NT5DC1: variants seen among roughly 807,000 people sequenced by gnomAD.
The protein encoded by NT5DC1 is 5'-nucleotidase domain containing 1.
In NT5DC1, 42 loss-of-function variants were observed where a neutral mutation model predicts 59.4. That is an observed-to-expected ratio of 0.71 (90% CI 0.55 to 0.92). NT5DC1 has a LOEUF of 0.92. Among genes scored for constraint, NT5DC1 ranks in the 40% least tolerant of loss-of-function variants. The probability of loss-of-function intolerance (pLI) is 0.00; values close to 1 mark genes in which losing one functional copy is unlikely to be tolerated. For missense variants in NT5DC1, 501 were observed against 537.1 expected, an observed-to-expected ratio of 0.93 and a Z score of 0.66; for synonymous variants, 172 against 188.1, an observed-to-expected ratio of 0.91 and a Z score of 0.70.
intron 6 of NT5DC1, among the ~76,000 whole-genome samples, chr6:116,165,627 C>A (rs991070884): frequency 3.9e-5 from 6 of 152,176 alleles, no homozygotes; most frequent in African/African-American, 1.4e-4. Context: ...GGAGATGACC[C>A]CCCTCTACAT....
chr6:116,214,568 A>G (rs942150353), intron 6 of NT5DC1, among the ~76,000 whole-genome samples: 1 of 152,086 alleles, frequency 6.6e-6, no homozygotes, highest in Admixed American at 6.6e-5. Flanking sequence ...AAATTGTTAG[A>G]AATGCACATC....
chr6:116,242,686 C>A (rs1480168183), intron 11 of NT5DC1, among the ~76,000 whole-genome samples: 1 of 152,168 alleles, frequency 6.6e-6, no homozygotes, highest in Non-Finnish European at 1.5e-5. Context: ...TTTCACAATA[C>A]CAAGAAAATG....
chr6:116,204,122 A>G lies in NT5DC1; in HGVS notation c.530-16932A>G, dbSNP rs890545584. ...GTGAAACACCTGGGTAAGGGAGAGG[A>G]CGATGCACTGCTGTGAGCCTGAAGG... On this transcript the variant is annotated intron_variant, in intron 6 of 11. Transcript: ENST00000319550. Among the ~76,000 whole-genome samples the G allele has an allele frequency of 4.0e-5, 6 of 151,898 alleles. No homozygotes were observed. In the East Asian group the frequency reaches 9.7e-4, roughly 25 times the overall value.
intron 11 of NT5DC1, among the ~76,000 whole-genome samples, chr6:116,240,884 C>T (rs1001736499): frequency 2.0e-5 from 3 of 152,136 alleles, no homozygotes; most frequent in Admixed American, 2.0e-4. Context: ...TGGCTCACGC[C>T]TGTAATCCCA....
At position 116,141,489 on chromosome 6, in the gene NT5DC1, T is replaced by G. The variant is rs539128630; in HGVS notation, c.529+23544T>G. 2.6e-3 allele frequency among the ~76,000 whole-genome samples: 393 copies of G among 152,172 alleles called. 10 individuals are homozygous for G. In the South Asian group the frequency reaches 0.043, roughly 17 times the overall value. On this transcript the variant is annotated intron_variant, in intron 6 of 11. Coordinates refer to ENST00000319550, the MANE Select transcript of NT5DC1 (RefSeq NM_152729.3). The stretch of plus-strand genomic sequence containing the variant: ...ACTTACATTGTTCTTTTCCCAACTT[T>G]CCAGTGGGACTCCAAGTCATTGTAT...
At chr6:116,149,860 T>A (rs966225634) in intron 6 of NT5DC1, among the ~76,000 whole-genome samples, 1 of 152,236 alleles carries the variant, frequency 6.6e-6, no homozygotes, top group African/African-American at 2.4e-5. Flanking sequence ...ATAAGGAATT[T>A]GATTTGCACA....
At chr6:116,139,852 A>C (rs1409896442) in intron 6 of NT5DC1, among the ~76,000 whole-genome samples, 1 of 152,176 alleles carries the variant, frequency 6.6e-6, no homozygotes, top group Non-Finnish European at 1.5e-5. Flanking sequence ...CTAGTACAGC[A>C]CTTGAGTCTT....
intron 6 of NT5DC1, among the ~76,000 whole-genome samples, chr6:116,158,045 A>G (rs1780239892): frequency 6.6e-6 from 1 of 152,252 alleles, no homozygotes; most frequent in Non-Finnish European, 1.5e-5. Context: ...AAGAAAAAGC[A>G]TCACATATTG....
At chr6:116,138,749 A>G (rs1417935721) in intron 6 of NT5DC1, among the ~76,000 whole-genome samples, 1 of 152,102 alleles carries the variant, frequency 6.6e-6, no homozygotes, top group Non-Finnish European at 1.5e-5. Flanking sequence ...GTAGAACTTC[A>G]TTTTGTAGTA....
chr6:116,199,741 T>G (rs2114507126), intron 6 of NT5DC1, among the ~76,000 whole-genome samples: 1 of 152,154 alleles, frequency 6.6e-6, no homozygotes, highest in Non-Finnish European at 1.5e-5. Context: ...CAATGGCTAA[T>G]GCTGGAACAA....
intron 6 of NT5DC1, among the ~76,000 whole-genome samples, chr6:116,178,957 G>A (rs1780813378): frequency 6.6e-6 from 1 of 152,202 alleles, no homozygotes; most frequent in Admixed American, 6.5e-5. Context: ...CACAAAGACA[G>A]TGAACAGTAG....
In NT5DC1 at chr6:116,239,097, C is replaced by G; in HGVS notation, c.1226C>G (p.Ala409Gly). Reference sequence around the variant, plus strand: ...AGAATCAGTACTTACAGCACTATTGCAATTCCAAGTATTGAAGCAATCGCA... The same window carrying G: ...AGAATCAGTACTTACAGCACTATTGGAATTCCAAGTATTGAAGCAATCGCA... The part of the protein sequence containing the change: ...CKRISTYSTI[A>G]IPSIEAIAEL... The change falls in exon 11 of 12, where the codon GCA becomes GGA. Residue 409 changes from alanine (A) to glycine (G), a missense_variant. Coordinates refer to ENST00000319550, the MANE Select transcript of NT5DC1 (RefSeq NM_152729.3). 6.2e-7 allele frequency: 1 copy of G among 1,611,760 alleles called. No individual in the cohort carries two copies. Among genetic ancestry groups the G allele is most frequent in the Non-Finnish European group, 8.5e-7 (1 of 1,178,830 alleles).
intron 6 of NT5DC1, among the ~76,000 whole-genome samples, chr6:116,149,110 A>G (rs1471742593): frequency 6.6e-6 from 1 of 152,156 alleles, no homozygotes; most frequent in Non-Finnish European, 1.5e-5. Flanking sequence ...ATTCAAGTGG[A>G]CAGTAAGTCA....
At chr6:116,199,554 A>G (rs1272034195) in intron 6 of NT5DC1, among the ~76,000 whole-genome samples, 2 of 152,112 alleles carry the variant, frequency 1.3e-5, no homozygotes, top group African/African-American at 2.4e-5. Flanking sequence ...TTCTAACGCC[A>G]TTCTCCAGTA....
intron 3 of NT5DC1, among the ~76,000 whole-genome samples, chr6:116,110,402 C>G (rs1562117670): frequency 6.6e-6 from 1 of 152,208 alleles, no homozygotes; most frequent in Non-Finnish European, 1.5e-5. Context: ...AATGATCCAC[C>G]TGTGGGTGCC....
In NT5DC1 at chr6:116,119,047, C is replaced by T. The variant is rs1059277; in HGVS notation, c.529+1102C>T. The stretch of plus-strand genomic sequence containing the variant: ...AAAATCTATTGATGTTATTTTATTG[C>T]GTCGTAAATAAGGAGTAGGTAAAAC... On this transcript the variant is annotated intron_variant, in intron 6 of 11. Transcript: ENST00000319550. The T allele has an allele frequency of 0.051, 7,823 of 152,610 alleles. 230 individuals are homozygous for T. Among genetic ancestry groups the T allele is most frequent in the Middle Eastern group, 0.068 (20 of 294 alleles). The allele number at this position is 152,610 out of a possible 1,614,324, so 9.5% of individuals were successfully genotyped here. A position where few individuals can be genotyped will look rare whatever the true frequency, so the allele number is the denominator to read the frequency against.
chr6:116,205,068 A>G (rs1768346102), intron 6 of NT5DC1, among the ~76,000 whole-genome samples: 1 of 152,006 alleles, frequency 6.6e-6, no homozygotes, highest in South Asian at 2.1e-4. Flanking sequence ...TATACAGTGC[A>G]GAAGTGTCCA....
chr6:116,104,554 A>G lies in NT5DC1; in HGVS notation c.94-1690A>G, dbSNP rs528411416. Among the ~76,000 whole-genome samples the G allele has an allele frequency of 2.0e-5, 3 of 152,322 alleles. No individual in the cohort carries two copies. In the East Asian group the frequency reaches 5.8e-4, roughly 29 times the overall value. On this transcript the variant is annotated intron_variant, in intron 1 of 11. Transcript: ENST00000319550. ...TAAACTGCTGTTGGTGACTTGAAACAGGCCATGGTGGGAATATTTACACCG... is the reference window on the plus strand; with the variant it reads ...TAAACTGCTGTTGGTGACTTGAAACGGGCCATGGTGGGAATATTTACACCG...
In NT5DC1 at chr6:116,129,394, T is replaced by G. The variant is rs1466398879; in HGVS notation, c.529+11449T>G. ...GTTCATGTGTTGGAAACTTAATTCTTAATGTAACAGTTTTGGCAAGTGGGA... is the reference window on the plus strand; with the variant it reads ...GTTCATGTGTTGGAAACTTAATTCTGAATGTAACAGTTTTGGCAAGTGGGA... On this transcript the variant is annotated intron_variant, in intron 6 of 11. Coordinates refer to ENST00000319550, the MANE Select transcript of NT5DC1 (RefSeq NM_152729.3). Among the ~76,000 whole-genome samples the G allele has an allele frequency of 2.0e-5, 3 of 152,216 alleles. No individual in the cohort carries two copies. In the East Asian group the frequency reaches 5.8e-4, roughly 29 times the overall value.
Sources: gnomAD v4.1 joint callset for allele counts (sites outside exome capture counted in the v4.1 genomes callset) on GRCh38, gnomAD v4.1.1 for gene constraint, MANE v1.5 for transcripts, NCBI Gene and HGNC (gene_info 2026-07-23, HGNC 2026-07-21) for gene names.